The following EML6 variants were observed in gnomAD, a reference collection of about 807,000 sequenced individuals.
EML6 encodes echinoderm microtubule-associated protein-like 6.
In EML6, 154 loss-of-function variants were observed where a neutral mutation model predicts 240.1. The observed-to-expected ratio is 0.64, with a 90% CI of 0.56 to 0.73. The LOEUF is 0.73. Ranked by LOEUF, EML6 falls within the 30% of genes least tolerant of loss-of-function variation. The pLI is 0.00. For missense variants in EML6, 2,964 were observed against 2,474.6 expected (o/e 1.20, Z -4.20); for synonymous variants, 1,148 against 899.0 (o/e 1.28, Z -4.95).
At chr2:54,799,994 T>C (rs13029124) in intron 2 of EML6, among the ~76,000 whole-genome samples, 128,073 of 152,220 alleles carry the variant, frequency 0.84, 54,022 homozygotes, top group Middle Eastern at 0.91. Flanking sequence ...GCCTGTAATC[T>C]GAGCAATTTG....
At chr2:54,768,305 C>A (rs553089753) in intron 2 of EML6, among the ~76,000 whole-genome samples, 66 of 152,246 alleles carry the variant, frequency 4.3e-4, no homozygotes, top group African/African-American at 1.4e-3. Context: ...GAGAATCAAA[C>A]TGACTTTGCA....
intron 7 of EML6, among the ~76,000 whole-genome samples, chr2:54,834,268 A>G (rs1403502936): frequency 6.6e-6 from 1 of 152,168 alleles, no homozygotes. Context: ...AAACTTCACA[A>G]CAGTGCATGC....
At position 54,725,350 on chromosome 2, in the gene EML6, C is replaced by T. The variant is rs189095096; in HGVS notation, c.197+92C>T. ...GACCTGGGGTCGGATCCGGGAGCCC[C>T]GTGGAATAGAGGATTCTCTCTGGAG... is the stretch of plus-strand genomic sequence containing the variant. On this transcript the variant is annotated intron_variant, in intron 2 of 41. Coordinates refer to ENST00000356458, the MANE Select transcript of EML6 (RefSeq NM_001039753.4). The surrounding 1 kb of genome is among the most constrained non-coding windows in gnomAD (Gnocchi z 4.3). 5 of 959,854 alleles carry T rather than the reference C, an allele frequency of 5.2e-6. No individual in the cohort carries two copies. Among genetic ancestry groups the T allele is most frequent in the Middle Eastern group, 2.5e-4 (1 of 3,984 alleles). 59.5% of individuals were successfully genotyped at this position (959,854 alleles called of 1,614,324 possible).
chr2:54,910,356 G>C (rs1349464302), intron 24 of EML6, among the ~76,000 whole-genome samples: 2 of 152,200 alleles, frequency 1.3e-5, no homozygotes, highest in Admixed American at 6.5e-5. Context: ...GATTATAATT[G>C]TACATCAGAC....
chr2:54,724,860 G>T lies in EML6; in HGVS notation c.-202G>T. On this transcript the variant is annotated 5_prime_UTR_variant, in exon 2 of 42. Coordinates refer to ENST00000356458, the MANE Select transcript of EML6 (RefSeq NM_001039753.4). This position sits in a 1 kb window ranked among gnomAD's most constrained non-coding sequence, Gnocchi z 5.2. ...CGGCGCCCGGCGGGGTCTGGCGGCC[G>T]CACACCGGCGGCGGCGGCTTGTCTG... The T allele has an allele frequency of 8.5e-6, 2 of 235,844 alleles. No homozygotes were observed. The highest frequency in any genetic ancestry group is 1.5e-5 in the Non-Finnish European group (2 of 136,914). The allele number at this position is 235,844 out of a possible 1,614,324, so 14.6% of individuals were successfully genotyped here.
rs1353233342 is a variant in EML6 at position 54,963,070 on chromosome 2, C to T, written c.5157+359C>T. ...AGGTTTCTCTTAGAGCTTGGGAAGG[C>T]AATGTTAAAGTTCATCTGGAGTAAA... On this transcript the variant is annotated intron_variant, in intron 36 of 41. Transcript: ENST00000356458. Among the ~76,000 whole-genome samples the T allele has an allele frequency of 2.3e-5, 3 of 128,312 alleles. No individual in the cohort carries two copies. The East Asian group carries it at 7.6e-4, about 32-fold the overall frequency. The allele number at this position is 128,312 out of a possible 152,430, so 84.2% of individuals were successfully genotyped here. A position where few individuals can be genotyped will look rare whatever the true frequency, so the allele number is the denominator to read the frequency against.
intron 16 of EML6, 74 bp downstream of exon 16, chr2:54,871,679 A>G (rs1019411231): frequency 1.9e-6 from 2 of 1,052,240 alleles, no homozygotes; most frequent in Admixed American, 2.0e-5. Flanking sequence ...TGCCCCGCGC[A>G]TGCGCGCACG....
intron 2 of EML6, among the ~76,000 whole-genome samples, chr2:54,788,045 G>T (rs994938324): frequency 6.6e-6 from 1 of 152,156 alleles, no homozygotes; most frequent in Non-Finnish European, 1.5e-5. Flanking sequence ...GTCAACATCA[G>T]AGTCAGGTAA....
intron 7 of EML6, among the ~76,000 whole-genome samples, chr2:54,840,801 T>C (rs1669404115): frequency 6.6e-6 from 1 of 152,232 alleles, no homozygotes; most frequent in Admixed American, 6.5e-5. Context: ...CACAGACCTT[T>C]CTATTCTACT....
chr2:54,800,963 C>A (rs556521972), intron 2 of EML6, among the ~76,000 whole-genome samples: 1 of 152,072 alleles, frequency 6.6e-6, no homozygotes, highest in Non-Finnish European at 1.5e-5. Flanking sequence ...AATAAAGTTA[C>A]CCTTCATGTT....
chr2:54,886,071 A>T (rs900136385), intron 17 of EML6, among the ~76,000 whole-genome samples: 1 of 151,920 alleles, frequency 6.6e-6, no homozygotes, highest in African/African-American at 2.4e-5. Context: ...GAATAGCATA[A>T]TGAACCTTCT....
At chr2:54,834,064 G>A (rs937317740) in intron 7 of EML6, among the ~76,000 whole-genome samples, 2 of 152,100 alleles carry the variant, frequency 1.3e-5, no homozygotes, top group African/African-American at 2.4e-5. Context: ...AGCTGTATGG[G>A]GTGGTTGTCC....
intron 2 of EML6, among the ~76,000 whole-genome samples, chr2:54,779,504 C>T (rs1475160340): frequency 6.9e-6 from 1 of 145,280 alleles, no homozygotes; most frequent in African/African-American, 2.6e-5. Context: ...CAAGATAGCA[C>T]CATTGCACTC....
chr2:54,808,753 C>A (rs1417562576), intron 2 of EML6, among the ~76,000 whole-genome samples: 1 of 152,148 alleles, frequency 6.6e-6, no homozygotes, highest in Non-Finnish European at 1.5e-5. Context: ...TGTTTCCTTC[C>A]ATGACCCTTT....
chr2:54,829,019 C>T (rs897881765), intron 6 of EML6, among the ~76,000 whole-genome samples: 1 of 152,212 alleles, frequency 6.6e-6, no homozygotes, highest in East Asian at 1.9e-4. Flanking sequence ...TCTTTTCTCT[C>T]TAAGGGCCAC....
At chr2:54,750,147 C>T (rs1172195667) in intron 2 of EML6, among the ~76,000 whole-genome samples, 1 of 152,178 alleles carries the variant, frequency 6.6e-6, no homozygotes, top group Admixed American at 6.5e-5. Context: ...CACAATACCC[C>T]CTTGGCCTGG....
chr2:54,951,389 C>T (rs1371209396), intron 30 of EML6, among the ~76,000 whole-genome samples: 1 of 151,944 alleles, frequency 6.6e-6, no homozygotes, highest in Admixed American at 6.6e-5. Flanking sequence ...AAAAATTAGC[C>T]AGGCATGGTG....
At chr2:54,848,551 A>ACACACACACACACG (rs70944191) in intron 9 of EML6, among the ~76,000 whole-genome samples, 1 of 152,016 alleles carries the variant, frequency 6.6e-6, no homozygotes, top group Non-Finnish European at 1.5e-5. Context: ...ACACACACAC[A>ACACACACACACACG]TAAATTTCCA....
intron 7 of EML6, among the ~76,000 whole-genome samples, chr2:54,832,103 A>G (rs1572968436): frequency 1.3e-5 from 2 of 152,318 alleles, no homozygotes; most frequent in South Asian, 4.1e-4. Context: ...ATCAAGCATC[A>G]AAAGAGATGC....
Sources: allele counts gnomAD v4.1 joint callset (sites outside exome capture counted in the v4.1 genomes callset), GRCh38; gene constraint gnomAD v4.1.1; non-coding constraint Gnocchi (gnomAD v3.1); transcripts MANE v1.5; gene names NCBI Gene and HGNC (gene_info 2026-07-23, HGNC 2026-07-21).